Variants in PDZD4 observed in about 807,000 individuals in gnomAD.
The protein encoded by PDZD4 is PDZ domain containing 4.
In PDZD4, 9 loss-of-function variants were observed where a neutral mutation model predicts 38.5. The observed-to-expected ratio is 0.23, with a 90% CI of 0.14 to 0.41. PDZD4 has a LOEUF of 0.41. Ranked by LOEUF, PDZD4 falls within the 10% of genes least tolerant of loss-of-function variation. The probability of loss-of-function intolerance (pLI) is 1.00; values close to 1 mark genes in which losing one functional copy is unlikely to be tolerated. For synonymous variants in PDZD4, 349 were observed against 315.7 expected (o/e 1.11, Z -1.12); for missense variants, 612 against 722.0 (o/e 0.85, Z 1.75).
intron 4 of PDZD4, 100 bp from the exon 5 acceptor site, chrX:153,806,233 C>T: frequency 2.4e-6 from 2 of 829,100 alleles, no homozygotes; most frequent in Admixed American, 2.3e-5. Context: ...GCTGAAGGCT[C>T]TCTGGCTCCC....
intron 1 of PDZD4, among the ~76,000 whole-genome samples, chrX:153,818,052 C>T (rs1348407874): frequency 3.6e-5 from 4 of 112,304 alleles, no homozygotes; most frequent in Non-Finnish European, 5.6e-5. Flanking sequence ...TCGAGACCAG[C>T]TTGGCCAACA....
At chrX:153,822,206 A>G (rs1464182862) in intron 1 of PDZD4, among the ~76,000 whole-genome samples, 4 of 89,312 alleles carry the variant, frequency 4.5e-5, no homozygotes, top group Non-Finnish European at 8.9e-5. Context: ...AAAAAAAAAA[A>G]CACACAGGAA....
chrX:153,807,440 G>GC, intron 2 of PDZD4, 71 bp from the exon 3 acceptor site: 1 of 1,033,662 alleles, frequency 9.7e-7, no homozygotes, highest in Non-Finnish European at 1.3e-6. Flanking sequence ...TCCCAGGCAG[G>GC]CCGATCCCAG....
At chrX:153,806,187 A>C in intron 4 of PDZD4, 54 bp from the exon 5 acceptor site, 1 of 1,164,601 alleles carries the variant, frequency 8.6e-7, no homozygotes, top group Non-Finnish European at 1.2e-6. Flanking sequence ...CTTTCGGTAG[A>C]AGGGGGCAGG....
At chrX:153,815,930 C>T (rs554693773) in intron 1 of PDZD4, among the ~76,000 whole-genome samples, 3 of 98,802 alleles carry the variant, frequency 3.0e-5, no homozygotes, top group South Asian at 5.6e-4. Context: ...TCTGAGTGGC[C>T]GAGCTGTGGC....
Position 153,808,616 on chromosome X carries a change from C to T in PDZD4, c.61-21G>A, listed in dbSNP as rs886493041. On this transcript the variant is annotated intron_variant, in intron 1 of 7. Coordinates refer to ENST00000393758, the MANE Select transcript of PDZD4 (RefSeq NM_001303512.2). ...TTCACCTGCGGCAGAGACACGCCTC[C>T]GTAAGAACCCTCAAAGGCTTGCTCC... is the stretch of plus-strand genomic sequence containing the variant. The T allele has an allele frequency of 9.7e-6, 11 of 1,132,273 alleles. No individual in the cohort carries two copies. The Admixed American group carries it at 1.1e-4, about 12-fold the overall frequency. 93.3% of individuals were successfully genotyped at this position (1,132,273 alleles called of 1,213,427 possible).
chrX:153,804,361 C>A lies in PDZD4; in HGVS notation c.1320G>T (p.Leu440=). The change falls in exon 8 of 8, where the codon CTG becomes CTT. Residue 440 remains leucine (L), a synonymous_variant. Coordinates refer to ENST00000393758, the MANE Select transcript of PDZD4 (RefSeq NM_001303512.2). The part of the protein sequence containing the change: ...QLRERCMKAW[L]LEEESLYDLA... ...GGTCGTAGAGGCTCTCCTCCTCCAG[C>A]AGCCAGGCCTTCATGCAGCGCTCAC... The A allele has an allele frequency of 8.3e-7, 1 of 1,208,377 alleles. No individual in the cohort carries two copies. The highest frequency in any genetic ancestry group is 1.1e-6 in the Non-Finnish European group (1 of 894,919).
chrX:153,807,972 G>A (rs2064270519), intron 2 of PDZD4: 1 of 1,002,249 alleles, frequency 1.0e-6, no homozygotes, highest in Admixed American at 3.0e-5. Context: ...AAGAGATGGA[G>A]GAAATTCAGA....
At chrX:153,819,517 G>T (rs2148472102) in intron 1 of PDZD4, among the ~76,000 whole-genome samples, 1 of 112,226 alleles carries the variant, frequency 8.9e-6, no homozygotes, top group African/African-American at 3.2e-5. Context: ...GAGGTGGGGG[G>T]GCTGCCACCT....
At chrX:153,808,304 T>C (rs1429597128) in intron 2 of PDZD4, 38 bp downstream of exon 2, 27 of 1,170,568 alleles carry the variant, frequency 2.3e-5, no homozygotes, top group Non-Finnish European at 2.7e-5. Flanking sequence ...CTGTCCTCTC[T>C]GGAGGCAGGG....
chrX:153,829,607 CGAGCTCCGGGCCCCGCGTCT>C, intron 1 of PDZD4: 5 of 537,531 alleles, frequency 9.3e-6, no homozygotes, highest in Non-Finnish European at 1.1e-5. Flanking sequence ...GCTCCAGGTC[CGAGCTCCGGGCCCCGCGTCT>C]CCTTCCCTCC....
chrX:153,807,390 G>A (rs2148460604), intron 2 of PDZD4, 21 bp from the exon 3 acceptor site: 1 of 1,182,450 alleles, frequency 8.5e-7, no homozygotes, highest in Non-Finnish European at 1.1e-6. Context: ...GAAGGTGGGG[G>A]TCAGACCAGC....
At chrX:153,811,366 A>C (rs1432324650) in intron 1 of PDZD4, among the ~76,000 whole-genome samples, 4 of 110,689 alleles carry the variant, frequency 3.6e-5, no homozygotes, top group Admixed American at 9.6e-5. Context: ...CAAACTCCTG[A>C]CCTCAAGTAA....
At chrX:153,808,215 G>C (rs2064273378) in intron 2 of PDZD4, 127 bp downstream of exon 2, 2 of 1,071,586 alleles carry the variant, frequency 1.9e-6, no homozygotes, top group Admixed American at 7.7e-5. Flanking sequence ...GAGCCCTTGG[G>C]TACCACGGTC....
At chrX:153,827,247 G>A (rs1474820718) in intron 1 of PDZD4, among the ~76,000 whole-genome samples, 2 of 112,065 alleles carry the variant, frequency 1.8e-5, no homozygotes, top group African/African-American at 3.2e-5. Flanking sequence ...CCAGCAGGAC[G>A]GCCATAACAA....
chrX:153,822,695 T>TC (rs2064439294), intron 1 of PDZD4, among the ~76,000 whole-genome samples: 1 of 109,665 alleles, frequency 9.1e-6, no homozygotes, highest in Non-Finnish European at 1.9e-5. Flanking sequence ...TTCTTTTTTT[T>TC]CCAGACACAG....
rs1209244073 is a variant in PDZD4 at position 153,830,405 on chromosome X, G to C, written c.-107C>G. ...GGCCGGGGCCAGGGGCCATACCCTG[G>C]CGCGGGGGGCGGGCCGCCTAGCGGG... On this transcript the variant is annotated 5_prime_UTR_variant, in exon 1 of 8. Coordinates refer to ENST00000393758, the MANE Select transcript of PDZD4 (RefSeq NM_001303512.2). 2.8e-5 allele frequency: 19 copies of C among 670,666 alleles called. No homozygotes were observed. The highest frequency in any genetic ancestry group is 4.2e-5 in the Non-Finnish European group (19 of 451,074). 55.3% of individuals were successfully genotyped at this position (670,666 alleles called of 1,213,427 possible). A position where few individuals can be genotyped will look rare whatever the true frequency, so the allele number is the denominator to read the frequency against.
chrX:153,828,442 C>A (rs1175155947), intron 1 of PDZD4, among the ~76,000 whole-genome samples: 1 of 112,995 alleles, frequency 8.8e-6, no homozygotes, highest in Admixed American at 9.3e-5. Flanking sequence ...AGGGCGCATG[C>A]GGCAGTGGCC....
Position 153,803,814 on chromosome X carries a change from TGGCCGC to T in PDZD4, c.1861_1866del (p.Ala621_Ala622del), listed in dbSNP as rs1467094379. On this transcript the variant is annotated inframe_deletion, in exon 8 of 8. Coordinates refer to ENST00000393758, the MANE Select transcript of PDZD4 (RefSeq NM_001303512.2). Reference sequence around the variant, plus strand: ...TTCCACTCCATGCGCGGTGCTTCAGTGGCCGCGGCCGCCACCCCGCCCACCCGAGGG... The same window carrying T: ...TTCCACTCCATGCGCGGTGCTTCAGTGGCCGCCACCCCGCCCACCCGAGGG... 8.3e-7 allele frequency: 1 copy of T among 1,198,901 alleles called. No homozygotes were observed. Among genetic ancestry groups the T allele is most frequent in the Non-Finnish European group, 1.1e-6 (1 of 890,732 alleles).
Sources: gnomAD v4.1 joint callset for allele counts (sites outside exome capture counted in the v4.1 genomes callset) on GRCh38, gnomAD v4.1.1 for gene constraint, MANE v1.5 for transcripts, NCBI Gene and HGNC (gene_info 2026-07-23, HGNC 2026-07-21) for gene names.